GKAP1: variants seen among roughly 807,000 people sequenced by gnomAD.
GKAP1 encodes G kinase-anchoring protein 1.
A neutral mutation model predicts 56.7 loss-of-function variants in GKAP1; 31 were observed. The ratio of observed to expected loss-of-function variants is 0.55; its 90% CI spans 0.41 to 0.74. The LOEUF is 0.74. Ranked by LOEUF, GKAP1 falls within the 30% of genes least tolerant of loss-of-function variation. The pLI, the probability that GKAP1 is intolerant of heterozygous loss-of-function variation, is 0.00. For missense variants in GKAP1, 364 were observed against 402.3 expected, an observed-to-expected ratio of 0.90 and a Z score of 0.82; for synonymous variants, 151 against 138.6, an observed-to-expected ratio of 1.09 and a Z score of -0.63.
At chr9:83,745,775 C>G (rs1163967530) in intron 10 of GKAP1, among the ~76,000 whole-genome samples, 1 of 151,684 alleles carries the variant, frequency 6.6e-6, no homozygotes, top group Admixed American at 6.6e-5. Context: ...TCTAAATGTC[C>G]AAATAATATT....
rs559158536 is a variant in GKAP1 at position 83,797,874 on chromosome 9, T to C, written c.360+1311A>G. Among the ~76,000 whole-genome samples, 34 of 152,316 alleles carry C rather than the reference T, an allele frequency of 2.2e-4. No individual in the cohort carries two copies. In the Middle Eastern group the frequency reaches 0.014, roughly 61 times the overall value. ...CTCTCCAATGAAGACACTGGTAAAT[T>C]CTATTACTGGCTAAACAAGTAGATC... On this transcript the variant is annotated intron_variant, in intron 4 of 12. Coordinates refer to ENST00000376371, the MANE Select transcript of GKAP1 (RefSeq NM_025211.4).
At chr9:83,775,793 T>C (rs150838316) in intron 7 of GKAP1, among the ~76,000 whole-genome samples, 12 of 142,902 alleles carry the variant, frequency 8.4e-5, no homozygotes, top group African/African-American at 2.4e-4. Context: ...AAGAATCGCT[T>C]GAACCCAGGA....
intron 10 of GKAP1, among the ~76,000 whole-genome samples, chr9:83,743,716 G>C (rs1943245074): frequency 6.6e-6 from 1 of 152,154 alleles, no homozygotes; most frequent in African/African-American, 2.4e-5. Flanking sequence ...ATAAGGCAAT[G>C]TCAACTAAAT....
At chr9:83,781,874 C>G (rs1190816435) in intron 6 of GKAP1, among the ~76,000 whole-genome samples, 2 of 145,998 alleles carry the variant, frequency 1.4e-5, no homozygotes, top group Non-Finnish European at 3.0e-5. Context: ...GATGGAGTCT[C>G]ACCCTGTCGC....
At chr9:83,774,549 G>C (rs1442198586) in intron 7 of GKAP1, among the ~76,000 whole-genome samples, 1 of 150,798 alleles carries the variant, frequency 6.6e-6, no homozygotes, top group South Asian at 2.1e-4. Context: ...AGCTGAGACC[G>C]TGCCATTGCA....
At chr9:83,747,915 G>A (rs1023002743) in intron 10 of GKAP1, among the ~76,000 whole-genome samples, 7 of 152,122 alleles carry the variant, frequency 4.6e-5, no homozygotes, top group African/African-American at 1.7e-4. Flanking sequence ...AGGATTACAG[G>A]TGAGCCACCA....
chr9:83,760,126 A>G (rs1254810106), intron 8 of GKAP1, among the ~76,000 whole-genome samples: 1 of 152,166 alleles, frequency 6.6e-6, no homozygotes, highest in Non-Finnish European at 1.5e-5. Context: ...ATAAGACCCA[A>G]TGATCTGTTG....
intron 5 of GKAP1, among the ~76,000 whole-genome samples, chr9:83,786,701 C>T (rs2131296176): frequency 6.6e-6 from 1 of 152,290 alleles, no homozygotes; most frequent in African/African-American, 2.4e-5. Flanking sequence ...AATGTCATCA[C>T]ATCAAACTAC....
At chr9:83,755,716 C>A (rs1372575594) in intron 8 of GKAP1, among the ~76,000 whole-genome samples, 1 of 140,040 alleles carries the variant, frequency 7.1e-6, no homozygotes, top group African/African-American at 2.6e-5. Context: ...AAATTGCAAC[C>A]AATATGACAG....
At chr9:83,767,498 A>G (rs1010007635) in intron 8 of GKAP1, among the ~76,000 whole-genome samples, 1 of 151,504 alleles carries the variant, frequency 6.6e-6, no homozygotes, top group African/African-American at 2.4e-5. Flanking sequence ...AGCTGGGACT[A>G]CAGGCGCCCT....
At position 83,799,263 on chromosome 9, in the gene GKAP1, A is replaced by G. The variant is rs749123455; in HGVS notation, c.282T>C (p.His94=). ...KSSHAVCNAQ[H]DLPLSNPVQK... is the part of the protein sequence containing the mutation. ...GTACTGGGTTTGACAATGGAAGATC[A>G]TGTTGAGCGTTACAAACAGCATGGG... is the stretch of plus-strand genomic sequence containing the variant. Residue 94 remains histidine (H), a synonymous_variant, in exon 4 of 13, where the codon CAT becomes CAC. Transcript: ENST00000376371. The G allele has an allele frequency of 6.2e-7, 1 of 1,608,854 alleles. No homozygotes were observed. Among genetic ancestry groups the G allele is most frequent in the South Asian group, 1.1e-5 (1 of 89,890 alleles).
At chr9:83,805,701 C>G (rs1305823850) in intron 3 of GKAP1, among the ~76,000 whole-genome samples, 1 of 151,940 alleles carries the variant, frequency 6.6e-6, no homozygotes, top group South Asian at 2.1e-4. Context: ...AAAACACATA[C>G]CAAAATATTA....
chr9:83,781,964 C>A (rs1232912875), intron 6 of GKAP1, among the ~76,000 whole-genome samples: 4 of 151,678 alleles, frequency 2.6e-5, no homozygotes, highest in Non-Finnish European at 5.9e-5. Context: ...CTGCCTCAGC[C>A]TCCCGAGTAG....
chr9:83,750,041 G>T lies in GKAP1; in HGVS notation c.841-1669C>A, dbSNP rs531180963. 7.2e-5 allele frequency among the ~76,000 whole-genome samples: 11 copies of T among 152,294 alleles called. No homozygotes were observed. The East Asian group carries it at 2.1e-3, about 29-fold the overall frequency. ...ACCCTCTGGGCTCCAACCTATGTTA[G>T]TATTTCACCAAACTCTATCTCTGGC... On this transcript the variant is annotated intron_variant, in intron 9 of 12. Transcript: ENST00000376371.
At chr9:83,782,628 A>T (rs1943993829) in intron 6 of GKAP1, among the ~76,000 whole-genome samples, 1 of 144,176 alleles carries the variant, frequency 6.9e-6, no homozygotes, top group Admixed American at 7.1e-5. Context: ...AAAGTGCTGG[A>T]ATTGCAGGCG....
intron 7 of GKAP1, among the ~76,000 whole-genome samples, chr9:83,777,942 G>C (rs1383208337): frequency 6.6e-6 from 1 of 152,012 alleles, no homozygotes; most frequent in Non-Finnish European, 1.5e-5. Context: ...TTAAGTCCCA[G>C]AAAGAAATGC....
chr9:83,807,475 G>A (rs1944455318), intron 2 of GKAP1, among the ~76,000 whole-genome samples: 1 of 152,130 alleles, frequency 6.6e-6, no homozygotes. Context: ...TCAGAAATTT[G>A]TATTTTGAAA....
At chr9:83,746,787 G>T (rs987611420) in intron 10 of GKAP1, among the ~76,000 whole-genome samples, 3 of 152,114 alleles carry the variant, frequency 2.0e-5, no homozygotes, top group African/African-American at 7.2e-5. Flanking sequence ...GTAAATAGTT[G>T]TTACACTGTT....
At chr9:83,756,132 TTC>T in intron 8 of GKAP1, among the ~76,000 whole-genome samples, 1 of 152,176 alleles carries the variant, frequency 6.6e-6, no homozygotes, top group Admixed American at 6.5e-5. Flanking sequence ...AAATTTTTTT[TTC>T]TTAGTGTGAT....
Sources: allele counts gnomAD v4.1 joint callset (sites outside exome capture counted in the v4.1 genomes callset), GRCh38; gene constraint gnomAD v4.1.1; transcripts MANE v1.5; gene names NCBI Gene and HGNC (gene_info 2026-07-23, HGNC 2026-07-21).